The following FRMD4A variants were observed in gnomAD, a reference collection of about 807,000 sequenced individuals.
FRMD4A encodes FERM domain-containing protein 4A.
In FRMD4A, 29 loss-of-function variants were observed where a neutral mutation model predicts 129.1. The ratio of observed to expected loss-of-function variants is 0.22; its 90% CI spans 0.17 to 0.31. The LOEUF (loss-of-function observed/expected upper bound fraction) is 0.31. Ranked by LOEUF, FRMD4A falls within the 10% of genes least tolerant of loss-of-function variation. The pLI is 1.00. For missense variants in FRMD4A, 1,272 were observed against 1,375.8 expected, an observed-to-expected ratio of 0.92 and a Z score of 1.19; for synonymous variants, 634 against 571.6, an observed-to-expected ratio of 1.11 and a Z score of -1.56.
chr10:14,029,600 A>G (rs73593359), intron 2 of FRMD4A, among the ~76,000 whole-genome samples: 2,321 of 152,304 alleles, frequency 0.015, 64 homozygotes, highest in African/African-American at 0.053. Flanking sequence ...CACATATTTG[A>G]AGATCAGGTT....
chr10:14,306,589 C>T (rs954332783), intron 2 of FRMD4A, among the ~76,000 whole-genome samples: 4 of 152,184 alleles, frequency 2.6e-5, no homozygotes, highest in African/African-American at 9.7e-5. Context: ...CAGGCCTCTG[C>T]TCATTTTCTC....
At chr10:14,227,959 C>T (rs888908520) in intron 2 of FRMD4A, among the ~76,000 whole-genome samples, 10 of 152,014 alleles carry the variant, frequency 6.6e-5, no homozygotes, top group Admixed American at 2.0e-4. Flanking sequence ...CTGCAACTTC[C>T]GCCTCCCTGG....
chr10:13,764,030 C>T (rs554868404), intron 6 of FRMD4A, among the ~76,000 whole-genome samples: 4 of 152,248 alleles, frequency 2.6e-5, no homozygotes, highest in South Asian at 2.1e-4. Context: ...CCACTGCACC[C>T]GGCCAAAACA....
intron 2 of FRMD4A, among the ~76,000 whole-genome samples, chr10:14,080,276 T>A (rs1035101577): frequency 6.6e-6 from 1 of 151,962 alleles, no homozygotes; most frequent in East Asian, 1.9e-4. Context: ...AAACAGCCCA[T>A]TCCCTGCCCC....
intron 6 of FRMD4A, among the ~76,000 whole-genome samples, chr10:13,776,062 A>C (rs1041326176): frequency 6.6e-5 from 10 of 152,220 alleles, no homozygotes; most frequent in Middle Eastern, 3.2e-3. Context: ...GAAAATGGAA[A>C]AGGAAATAAA....
At chr10:14,158,931 C>T (rs980854076) in intron 2 of FRMD4A, among the ~76,000 whole-genome samples, 8 of 151,746 alleles carry the variant, frequency 5.3e-5, no homozygotes, top group Admixed American at 5.3e-4. Flanking sequence ...AAAACAAATA[C>T]ATGATATCTT....
At chr10:14,220,083 G>A (rs1843199948) in intron 2 of FRMD4A, among the ~76,000 whole-genome samples, 1 of 152,284 alleles carries the variant, frequency 6.6e-6, no homozygotes, top group East Asian at 1.9e-4. Flanking sequence ...ACAATCCCGG[G>A]TCTGGGTTGT....
At chr10:13,722,411 A>ATT (rs766466135) in intron 12 of FRMD4A, among the ~76,000 whole-genome samples, 9 of 142,086 alleles carry the variant, frequency 6.3e-5, no homozygotes, top group African/African-American at 1.8e-4. Flanking sequence ...AAAAAAAAAA[A>ATT]TTTTTTTTTT....
Position 13,707,502 on chromosome 10 carries a change from G to A in FRMD4A, c.760-389C>T, listed in dbSNP as rs368269962. ...CCCAGCAGGGAAGGCGGCGGGTGAG[G>A]GGAGAGGAGCGAGAGGAGCGAGCGC... is the stretch of plus-strand genomic sequence containing the variant. On this transcript the variant is annotated intron_variant, in intron 12 of 24. Transcript: ENST00000357447. The A allele has an allele frequency of 4.1e-5, 41 of 1,010,588 alleles. No individual in the cohort carries two copies. The South Asian group carries it at 1.4e-3, about 35-fold the overall frequency. The allele number at this position is 1,010,588 out of a possible 1,614,324, so 62.6% of individuals were successfully genotyped here. A position where few individuals can be genotyped will look rare whatever the true frequency, so the allele number is the denominator to read the frequency against.
At chr10:13,987,403 T>C (rs1295682017) in intron 2 of FRMD4A, among the ~76,000 whole-genome samples, 4 of 152,180 alleles carry the variant, frequency 2.6e-5, no homozygotes, top group Non-Finnish European at 2.9e-5. Flanking sequence ...TAACAGGATG[T>C]CTCCTTCCAC....
intron 12 of FRMD4A, among the ~76,000 whole-genome samples, chr10:13,736,189 A>G (rs1284714151): frequency 6.6e-6 from 1 of 152,080 alleles, no homozygotes; most frequent in South Asian, 2.1e-4. Flanking sequence ...AAACAAAAAG[A>G]GAAGGGTTGT....
At chr10:14,214,680 A>T (rs1843020570) in intron 2 of FRMD4A, among the ~76,000 whole-genome samples, 1 of 152,214 alleles carries the variant, frequency 6.6e-6, no homozygotes, top group Admixed American at 6.5e-5. Context: ...GAATGTTTAT[A>T]GTCCTATTTT....
In FRMD4A at chr10:14,055,460, CAA is replaced by C. The variant is rs560809639; in HGVS notation, c.46-196550_46-196549del. 5.2e-3 allele frequency among the ~76,000 whole-genome samples: 73 copies of C among 14,036 alleles called. 1 individual carries two copies. In the South Asian group the frequency reaches 0.078, roughly 15 times the overall value. 9.2% of individuals were successfully genotyped at this position (14,036 alleles called of 152,430 possible). A position where few individuals can be genotyped will look rare whatever the true frequency, so the allele number is the denominator to read the frequency against. ...AGCTACACACACACACACACACACA[CAA>C]ACACACACACACACACACACACACA... On this transcript the variant is annotated intron_variant, in intron 2 of 24. Coordinates refer to ENST00000357447, the MANE Select transcript of FRMD4A (RefSeq NM_018027.5).
intron 2 of FRMD4A, among the ~76,000 whole-genome samples, chr10:14,134,045 C>T (rs1839403760): frequency 6.6e-6 from 1 of 152,228 alleles, no homozygotes; most frequent in African/African-American, 2.4e-5. Flanking sequence ...TTTGCTTTAA[C>T]TGCTAGAAAA....
At chr10:13,791,827 G>C (rs529144059) in intron 5 of FRMD4A, among the ~76,000 whole-genome samples, 1 of 152,308 alleles carries the variant, frequency 6.6e-6, no homozygotes, top group African/African-American at 2.4e-5. Context: ...GAGTGACACA[G>C]CTCAGGGTGA....
chr10:13,756,437 C>T (rs1301314241), intron 8 of FRMD4A, among the ~76,000 whole-genome samples: 2 of 152,334 alleles, frequency 1.3e-5, no homozygotes, highest in African/African-American at 4.8e-5. Flanking sequence ...CTCACTGCAG[C>T]GGCAGCCTCT....
At chr10:13,818,176 G>A (rs1016928697) in intron 3 of FRMD4A, among the ~76,000 whole-genome samples, 3 of 151,970 alleles carry the variant, frequency 2.0e-5, no homozygotes, top group Admixed American at 1.3e-4. Context: ...TATTATTATT[G>A]TTTTTAGATA....
intron 2 of FRMD4A, among the ~76,000 whole-genome samples, chr10:14,016,514 C>T (rs1329810841): frequency 6.6e-6 from 1 of 152,226 alleles, no homozygotes; most frequent in Non-Finnish European, 1.5e-5. Flanking sequence ...ATAAGGTCCA[C>T]GTTTCATCTG....
chr10:14,046,341 C>T (rs1420157044), intron 2 of FRMD4A, among the ~76,000 whole-genome samples: 5 of 152,064 alleles, frequency 3.3e-5, no homozygotes, highest in Admixed American at 1.3e-4. Context: ...CTATATAAAA[C>T]CTAGAGCTGA....
Sources: gnomAD v4.1 joint callset for allele counts (sites outside exome capture counted in the v4.1 genomes callset) on GRCh38, gnomAD v4.1.1 for gene constraint, MANE v1.5 for transcripts, NCBI Gene and HGNC (gene_info 2026-07-23, HGNC 2026-07-21) for gene names.